Variants in ADAMTS2 observed in about 807,000 individuals in gnomAD.
ADAMTS2 encodes the protein A disintegrin and metalloproteinase with thrombospondin motifs 2.
Under a neutral mutation model 123.0 loss-of-function variants are expected in ADAMTS2, and 50 were observed. That is an observed-to-expected ratio of 0.41 (90% confidence interval 0.32 to 0.51). The LOEUF is 0.51. Among genes scored for constraint, ADAMTS2 ranks in the 20% least tolerant of loss-of-function variants. The probability of loss-of-function intolerance (pLI) is 0.35; values close to 1 mark genes in which losing one functional copy is unlikely to be tolerated. For missense variants in ADAMTS2, 1,494 were observed against 1,705.2 expected (o/e 0.88, Z 2.18); for synonymous variants, 678 against 695.4 (o/e 0.98, Z 0.39).
At chr5:179,292,009 G>A (rs746525285) in intron 2 of ADAMTS2, among the ~76,000 whole-genome samples, 1 of 152,020 alleles carries the variant, frequency 6.6e-6, no homozygotes. Flanking sequence ...CTCCCAAAAT[G>A]CTGGGATTAC....
At chr5:179,125,876 A>T in intron 18 of ADAMTS2, 122 bp downstream of exon 18, 1 of 1,409,098 alleles carries the variant, frequency 7.1e-7, no homozygotes, top group Non-Finnish European at 9.7e-7. Context: ...AAATGTGGTG[A>T]GAGAGACTTG....
intron 3 of ADAMTS2, among the ~76,000 whole-genome samples, chr5:179,214,982 A>C (rs910493355): frequency 2.6e-5 from 4 of 152,258 alleles, no homozygotes; most frequent in Non-Finnish European, 5.9e-5. Context: ...AACCCAACAA[A>C]GTGATTCCAA....
In ADAMTS2 at chr5:179,207,260, C is replaced by T. The variant is rs568546143; in HGVS notation, c.891+253G>A. Among the ~76,000 whole-genome samples, 65 of 152,294 alleles carry T rather than the reference C, an allele frequency of 4.3e-4. No individual in the cohort carries two copies. In the South Asian group the frequency reaches 7.3e-3, roughly 17 times the overall value. ...CAAACGACTGGAGTTTGCACAAACCCGCCTTAGCCTGTGAAGAGCCTCACC... is the reference window on the plus strand; with the variant it reads ...CAAACGACTGGAGTTTGCACAAACCTGCCTTAGCCTGTGAAGAGCCTCACC... On this transcript the variant is annotated intron_variant, in intron 4 of 21. Transcript: ENST00000251582.
intron 4 of ADAMTS2, among the ~76,000 whole-genome samples, chr5:179,199,547 G>A (rs566035951): frequency 4.6e-5 from 7 of 152,312 alleles, no homozygotes; most frequent in Admixed American, 2.0e-4. Context: ...TTCCCCAGAC[G>A]CCCTGGCCAG....
chr5:179,208,195 C>CTTGCCCG (rs1764763986), intron 3 of ADAMTS2, among the ~76,000 whole-genome samples: 1 of 99,720 alleles, frequency 1.0e-5, no homozygotes, highest in Non-Finnish European at 1.8e-5. Context: ...CCTCTTCTCC[C>CTTGCCCG]CCGAAGGGCT....
At chr5:179,145,568 C>T (rs1763237271) in intron 10 of ADAMTS2, among the ~76,000 whole-genome samples, 1 of 152,126 alleles carries the variant, frequency 6.6e-6, no homozygotes, top group African/African-American at 2.4e-5. Flanking sequence ...AGGGATGAGC[C>T]CTGTGAACAT....
rs546772744 is a variant in ADAMTS2 at position 179,162,924 on chromosome 5, G to A, written c.976-4045C>T. Among the ~76,000 whole-genome samples, 2 of 152,316 alleles carry A rather than the reference G, an allele frequency of 1.3e-5. No individual in the cohort carries two copies. The highest frequency in any genetic ancestry group is 1.9e-4 in the East Asian group (1 of 5,174). On this transcript the variant is annotated intron_variant, in intron 5 of 21. Transcript: ENST00000251582. This position sits in a 1 kb window ranked among gnomAD's most constrained non-coding sequence, Gnocchi z 5.1. ...CACTCGCTGGCCCATGAAAGATGGC[G>A]TCTGATCTGGGGGCAGCTGATATGT...
At chr5:179,122,484 G>A (rs1464361975) in intron 20 of ADAMTS2, among the ~76,000 whole-genome samples, 160 bp downstream of exon 20, 1 of 152,188 alleles carries the variant, frequency 6.6e-6, no homozygotes, top group Admixed American at 6.5e-5. Context: ...CCAGGCAAAG[G>A]TCCCAGACCT....
In ADAMTS2 at chr5:179,162,332, G is replaced by A. The variant is rs372497078; in HGVS notation, c.976-3453C>T. ...GGATCAGGGTGAACATACAACCAAA[G>A]CGGGCCAAGGAGTAGGCAAGGTGTG... On this transcript the variant is annotated intron_variant, in intron 5 of 21. Transcript: ENST00000251582. This position sits in a 1 kb window ranked among gnomAD's most constrained non-coding sequence, Gnocchi z 5.1. Among the ~76,000 whole-genome samples the A allele has an allele frequency of 1.8e-4, 28 of 152,258 alleles. No homozygotes were observed. Among genetic ancestry groups the A allele is most frequent in the African/African-American group, 6.5e-4 (27 of 41,550 alleles).
chr5:179,242,717 C>CT lies in ADAMTS2; in HGVS notation c.688+30193dup, dbSNP rs1765695918. Among the ~76,000 whole-genome samples, 1 of 152,166 alleles carries CT rather than the reference C, an allele frequency of 6.6e-6. No individual in the cohort carries two copies. Among genetic ancestry groups the CT allele is most frequent in the Admixed American group, 6.5e-5 (1 of 15,280 alleles). On this transcript the variant is annotated intron_variant, in intron 3 of 21. Coordinates refer to ENST00000251582, the MANE Select transcript of ADAMTS2 (RefSeq NM_014244.5). This position sits in a 1 kb window ranked among gnomAD's most constrained non-coding sequence, Gnocchi z 4.2. The stretch of plus-strand genomic sequence containing the variant: ...AGTTCAGCTTATGGGGAGTTCCACT[C>CT]TGGGGGTGTGTGGCCAAGAACACAG...
chr5:179,266,137 C>T (rs1766364527), intron 3 of ADAMTS2, among the ~76,000 whole-genome samples: 1 of 152,208 alleles, frequency 6.6e-6, no homozygotes, highest in Non-Finnish European at 1.5e-5. Flanking sequence ...GTCCAGGGCT[C>T]ACCCTGCAAA....
In ADAMTS2 at chr5:179,199,425, G is replaced by A. The variant is rs903528518; in HGVS notation, c.891+8088C>T. Among the ~76,000 whole-genome samples, 7 of 152,184 alleles carry A rather than the reference G, an allele frequency of 4.6e-5. No homozygotes were observed. The East Asian group carries it at 7.7e-4, about 17-fold the overall frequency. ...GATGGCTGGCCAGAGCCCGTGTTTC[G>A]GCAGAGGTGAACCTCCCGTGAGTGA... On this transcript the variant is annotated intron_variant, in intron 4 of 21. Coordinates refer to ENST00000251582, the MANE Select transcript of ADAMTS2 (RefSeq NM_014244.5).
At chr5:179,163,360 C>T (rs1464871372) in intron 5 of ADAMTS2, among the ~76,000 whole-genome samples, 1 of 152,136 alleles carries the variant, frequency 6.6e-6, no homozygotes, top group Non-Finnish European at 1.5e-5. Flanking sequence ...CTGTGGCAAA[C>T]CCAGGTGCCC....
rs1218696760 is a variant in ADAMTS2, at chr5:179,132,054, AC to A, written c.2290+175del. Among the ~76,000 whole-genome samples, 1 of 152,150 alleles carries A rather than the reference AC, an allele frequency of 6.6e-6. No individual in the cohort carries two copies. The highest frequency in any genetic ancestry group is 6.5e-5 in the Admixed American group (1 of 15,282). ...ACCCTGGCCTCTCCACAAGGGGAGGACCCTGGGAAAGGGCCCAGGTGGGCTG... is the reference window on the plus strand; with the variant it reads ...ACCCTGGCCTCTCCACAAGGGGAGGACCTGGGAAAGGGCCCAGGTGGGCTG... On this transcript the variant is annotated intron_variant, in intron 15 of 21. Coordinates refer to ENST00000251582, the MANE Select transcript of ADAMTS2 (RefSeq NM_014244.5). The surrounding 1 kb of genome is among the most constrained non-coding windows in gnomAD (Gnocchi z 6.1).
intron 4 of ADAMTS2, among the ~76,000 whole-genome samples, chr5:179,206,479 C>T (rs554551968): frequency 4.6e-5 from 7 of 152,284 alleles, no homozygotes; most frequent in Non-Finnish European, 7.4e-5. Flanking sequence ...ACACGCAGCA[C>T]GGGGTTCTAG....
At chr5:179,296,543 A>C (rs892156126) in intron 2 of ADAMTS2, among the ~76,000 whole-genome samples, 1 of 152,218 alleles carries the variant, frequency 6.6e-6, no homozygotes, top group African/African-American at 2.4e-5. Context: ...GGCGGGAGAC[A>C]GTGGTACAGG....
chr5:179,284,862 C>G (rs563903413), intron 2 of ADAMTS2, among the ~76,000 whole-genome samples: 32 of 152,198 alleles, frequency 2.1e-4, no homozygotes, highest in South Asian at 6.2e-4. Flanking sequence ...GACCTCCTTA[C>G]GTAAAATCAT....
chr5:179,190,536 A>T (rs1021739400), intron 4 of ADAMTS2, among the ~76,000 whole-genome samples: 18 of 152,340 alleles, frequency 1.2e-4, no homozygotes, highest in African/African-American at 4.3e-4. Context: ...GGGGTTCAGC[A>T]TAATTATTTG....
At chr5:179,269,545 A>T (rs1235291750) in intron 3 of ADAMTS2, among the ~76,000 whole-genome samples, 1 of 152,144 alleles carries the variant, frequency 6.6e-6, no homozygotes, top group Non-Finnish European at 1.5e-5. Context: ...ACAGCATGGG[A>T]AAGACCCACC....
Sources: allele counts gnomAD v4.1 joint callset (sites outside exome capture counted in the v4.1 genomes callset), GRCh38; gene constraint gnomAD v4.1.1; non-coding constraint Gnocchi (gnomAD v3.1); transcripts MANE v1.5; gene names NCBI Gene and HGNC (gene_info 2026-07-23, HGNC 2026-07-21).